Variants in TLL2 observed in about 807,000 individuals in gnomAD.
TLL2 encodes the protein tolloid like 2.
TLL2 carries 106 observed loss-of-function variants against 123.0 expected under a neutral mutation model. That is an observed-to-expected ratio of 0.86 (90% CI 0.74 to 1.01). The LOEUF is 1.01. TLL2 is among the 50% of genes least tolerant of loss of function. The pLI is 0.00. For synonymous variants in TLL2, 494 were observed against 516.8 expected (o/e 0.96, Z 0.60); for missense variants, 1,332 against 1,336.7 (o/e 1.00, Z 0.06).
chr10:96,493,780 G>A (rs1452959801), intron 1 of TLL2, among the ~76,000 whole-genome samples: 1 of 152,126 alleles, frequency 6.6e-6, no homozygotes, highest in Non-Finnish European at 1.5e-5. Context: ...CCAGCGCAGG[G>A]CCTGGCACTG....
intron 19 of TLL2, 135 bp from the exon 20 acceptor site, chr10:96,370,450 G>A (rs1219903851): frequency 7.9e-7 from 1 of 1,270,254 alleles, no homozygotes; most frequent in African/African-American, 1.5e-5. Flanking sequence ...CACCCCATTT[G>A]ATGGAGGAGT....
chr10:96,370,033 T>C (rs748726259), intron 20 of TLL2, 32 bp downstream of exon 20: 5 of 1,527,166 alleles, frequency 3.3e-6, no homozygotes, highest in Non-Finnish European at 4.4e-6. Flanking sequence ...ATCATCACAC[T>C]CTGCCCCGGC....
At chr10:96,486,972 C>G (rs1188108996) in intron 1 of TLL2, among the ~76,000 whole-genome samples, 4 of 152,214 alleles carry the variant, frequency 2.6e-5, no homozygotes, top group Non-Finnish European at 5.9e-5. Context: ...CAGGCTGATT[C>G]CCTTGCAGGG....
At chr10:96,432,169 A>C (rs1846749748) in intron 4 of TLL2, among the ~76,000 whole-genome samples, 1 of 152,114 alleles carries the variant, frequency 6.6e-6, no homozygotes, top group Non-Finnish European at 1.5e-5. Context: ...CATACTAATT[A>C]CTGTGTGCCA....
intron 20 of TLL2, 116 bp downstream of exon 20, chr10:96,369,949 G>GCC: frequency 7.2e-7 from 1 of 1,391,754 alleles, no homozygotes; most frequent in Non-Finnish European, 9.5e-7. Flanking sequence ...GTGCCTCCTC[G>GCC]CCGTTGCTCC....
chr10:96,459,694 AAAAAAAAAAAAATATATATATAT>A (rs1847056298), intron 2 of TLL2, among the ~76,000 whole-genome samples: 1 of 72,912 alleles, frequency 1.4e-5, no homozygotes, highest in African/African-American at 5.3e-5. Flanking sequence ...AAAAAAAAAA[AAAAAAAAAAAAATATATATATAT>A]ATATATATAT....
intron 10 of TLL2, among the ~76,000 whole-genome samples, chr10:96,402,016 G>GCCCCA (rs1846402291): frequency 6.6e-6 from 1 of 152,240 alleles, no homozygotes; most frequent in Non-Finnish European, 1.5e-5. Context: ...TGTGGACTTT[G>GCCCCA]AGTTAGTCCA....
chr10:96,384,812 A>G, intron 15 of TLL2, 45 bp from the exon 16 acceptor site: 1 of 1,518,486 alleles, frequency 6.6e-7, no homozygotes, highest in South Asian at 1.3e-5. Context: ...CCCTGTCCCC[A>G]CCCCAGACCC....
chr10:96,422,468 TCCCC>T, intron 6 of TLL2, 77 bp downstream of exon 6: 1 of 1,524,310 alleles, frequency 6.6e-7, no homozygotes, highest in Non-Finnish European at 9.0e-7. Context: ...TCCCAGCAAG[TCCCC>T]TCCTTCCCTC....
chr10:96,510,079 T>A (rs1847613427), intron 1 of TLL2, among the ~76,000 whole-genome samples: 2 of 152,236 alleles, frequency 1.3e-5, no homozygotes, highest in Non-Finnish European at 2.9e-5. Flanking sequence ...TAAAATGACT[T>A]GCTCAAGGCC....
chr10:96,512,046 C>A (rs1195538631), intron 1 of TLL2, among the ~76,000 whole-genome samples: 2 of 152,170 alleles, frequency 1.3e-5, no homozygotes, highest in Non-Finnish European at 2.9e-5. Context: ...TGTCCAGGAA[C>A]CAACTCCTCT....
intron 8 of TLL2, among the ~76,000 whole-genome samples, chr10:96,412,159 G>T (rs542028899): frequency 2.6e-5 from 4 of 152,092 alleles, no homozygotes; most frequent in African/African-American, 9.7e-5. Context: ...GCCCTAACAC[G>T]CCCCCAGATG....
At chr10:96,481,126 G>GT (rs946665471) in intron 1 of TLL2, among the ~76,000 whole-genome samples, 6 of 133,750 alleles carry the variant, frequency 4.5e-5, no homozygotes, top group Non-Finnish European at 6.3e-5. Context: ...TGAAAACACT[G>GT]TTTTTTTTGT....
chr10:96,384,201 A>G (rs750701111), intron 16 of TLL2, among the ~76,000 whole-genome samples: 7 of 152,162 alleles, frequency 4.6e-5, no homozygotes, highest in Admixed American at 6.5e-5. Flanking sequence ...ATGCAGCTAC[A>G]AGGCAAGGAA....
At chr10:96,389,445 C>G (rs992651269) in intron 13 of TLL2, among the ~76,000 whole-genome samples, 1 of 152,056 alleles carries the variant, frequency 6.6e-6, no homozygotes, top group African/African-American at 2.4e-5. Context: ...GGGAGTGGAG[C>G]AGTGCAGGCC....
Position 96,410,697 on chromosome 10 carries a change from C to T in TLL2, c.1049-223G>A, listed in dbSNP as rs190055431. 409 of 627,818 alleles carry T rather than the reference C, an allele frequency of 6.5e-4. 2 individuals are homozygous for T. The highest frequency in any genetic ancestry group is 5.2e-3 in the African/African-American group (290 of 55,542). The allele number at this position is 627,818 out of a possible 1,614,324, so 38.9% of individuals were successfully genotyped here. ...GCCCAGGAATTTCTTCTGAGGCTCT[C>T]AGGACTGAGCATGGCCTAGAGGTCA... On this transcript the variant is annotated intron_variant, in intron 8 of 20. Transcript: ENST00000357947.
At chr10:96,434,979 G>T (rs1318054089) in intron 3 of TLL2, among the ~76,000 whole-genome samples, 1 of 147,656 alleles carries the variant, frequency 6.8e-6, no homozygotes, top group Non-Finnish European at 1.5e-5. Context: ...GGTCATTTGT[G>T]TATCTTCTTC....
At chr10:96,407,516 C>A (rs552028372) in intron 9 of TLL2, among the ~76,000 whole-genome samples, 1 of 152,130 alleles carries the variant, frequency 6.6e-6, no homozygotes, top group Admixed American at 6.5e-5. Flanking sequence ...TGCGAGAAAC[C>A]ATATATAGAG....
chr10:96,387,926 T>C (rs528597802), intron 13 of TLL2, among the ~76,000 whole-genome samples: 1 of 152,326 alleles, frequency 6.6e-6, no homozygotes, highest in South Asian at 2.1e-4. Context: ...ATAGTACATC[T>C]AGCCCTGAAA....
Sources: gnomAD v4.1 joint callset for allele counts (sites outside exome capture counted in the v4.1 genomes callset) on GRCh38, gnomAD v4.1.1 for gene constraint, MANE v1.5 for transcripts, NCBI Gene and HGNC (gene_info 2026-07-23, HGNC 2026-07-21) for gene names.